ZNF732: variants seen among roughly 807,000 people sequenced by gnomAD.
ZNF732 encodes the protein zinc finger protein 732.
In ZNF732, 12 loss-of-function variants were observed where a neutral mutation model predicts 11.5. The observed-to-expected ratio is 1.05, with a 90% CI of 0.67 to 1.70. ZNF732 has a LOEUF of 1.70. Ranked by LOEUF, ZNF732 falls within the 40% of genes most tolerant of loss-of-function variation. ZNF732 has a pLI of 0.00. For synonymous variants in ZNF732, 231 were observed against 236.5 expected (o/e 0.98, Z 0.21); for missense variants, 702 against 676.9 (o/e 1.04, Z -0.41).
At chr4:280,056 T>C (rs1312381880) in intron 3 of ZNF732, among the ~76,000 whole-genome samples, 1 of 151,288 alleles carries the variant, frequency 6.6e-6, no homozygotes, top group Non-Finnish European at 1.5e-5. Flanking sequence ...GAGTTGAAAA[T>C]TACCATACAA....
Position 271,117 on chromosome 4 carries a change from A to G in ZNF732, c.1740T>C (p.Tyr580=). 6.6e-7 allele frequency: 1 copy of G among 1,515,692 alleles called. No individual in the cohort carries two copies. The highest frequency in any genetic ancestry group is 1.4e-5 in the African/African-American group (1 of 71,034). The allele number at this position is 1,515,692 out of a possible 1,614,324, so 93.9% of individuals were successfully genotyped here. A position where few individuals can be genotyped will look rare whatever the true frequency, so the allele number is the denominator to read the frequency against. Residue 580 remains tyrosine (Y), a synonymous_variant, in exon 4 of 4, where the codon TAT becomes TAC. Coordinates refer to ENST00000419098, the MANE Select transcript of ZNF732 (RefSeq NM_001137608.3). The part of the protein sequence containing the change: ...SSYLNQHNKI[Y]TGEKL ...CATATTTCTAGAGTTTCTCTCCAGTATAAATTTTATTATGTTGATTAAGGT... is the reference window on the plus strand; with the variant it reads ...CATATTTCTAGAGTTTCTCTCCAGTGTAAATTTTATTATGTTGATTAAGGT...
At chr4:287,947 A>AT (rs35663095) in intron 3 of ZNF732, among the ~76,000 whole-genome samples, 25,237 of 149,310 alleles carry the variant, frequency 0.17, 2,465 homozygotes, top group Admixed American at 0.27. Flanking sequence ...TCTTTACAAC[A>AT]TTTTTTTTTT....
intron 1 of ZNF732, among the ~76,000 whole-genome samples, chr4:299,658 TTATA>T (rs199992460): frequency 0.075 from 10,669 of 141,728 alleles, 664 homozygotes; most frequent in African/African-American, 0.16. Context: ...CATATGTAAA[TTATA>T]TATATAATTT....
At chr4:277,677 A>C (rs2108653260) in intron 3 of ZNF732, among the ~76,000 whole-genome samples, 1 of 152,234 alleles carries the variant, frequency 6.6e-6, no homozygotes, top group African/African-American at 2.4e-5. Context: ...CATTATAGAA[A>C]AAAAACAAGT....
chr4:282,405 T>C (rs1021583458), intron 3 of ZNF732, among the ~76,000 whole-genome samples: 1 of 152,090 alleles, frequency 6.6e-6, no homozygotes, highest in South Asian at 2.1e-4. Context: ...ATTCTTTTTT[T>C]AAAAAGAAGC....
chr4:296,201 C>T (rs1553842277), intron 1 of ZNF732, 46 bp from the exon 2 acceptor site: 3 of 1,598,478 alleles, frequency 1.9e-6, no homozygotes, highest in Non-Finnish European at 2.6e-6. Flanking sequence ...AATTTGACTA[C>T]AGGTGAAATG....
At chr4:299,523 G>C (rs1166823440) in intron 1 of ZNF732, among the ~76,000 whole-genome samples, 1 of 120,892 alleles carries the variant, frequency 8.3e-6, no homozygotes, top group Non-Finnish European at 1.7e-5. Flanking sequence ...ACGTATATAT[G>C]TGTATATATA....
chr4:299,611 ATATATAAATAATATATTTG>A lies in ZNF732; in HGVS notation c.4-3475_4-3457del, dbSNP rs1463964204. On this transcript the variant is annotated intron_variant, in intron 1 of 3. Coordinates refer to ENST00000419098, the MANE Select transcript of ZNF732 (RefSeq NM_001137608.3). ...ATAAATATATATTTATAAATTATTT[ATATATAAATAATATATTTG>A]TATATATTTATATATTACATATGTA... Among the ~76,000 whole-genome samples the A allele has an allele frequency of 1.4e-4, 20 of 142,112 alleles. 1 individual carries two copies. Among genetic ancestry groups the A allele is most frequent in the African/African-American group, 5.2e-4 (20 of 38,800 alleles). The allele number at this position is 142,112 out of a possible 152,430, so 93.2% of individuals were successfully genotyped here.
chr4:295,677 T>G, intron 2 of ZNF732, 144 bp from the exon 3 acceptor site: 3 of 765,180 alleles, frequency 3.9e-6, no homozygotes, highest in African/African-American at 3.6e-5. Flanking sequence ...TTTAAAATAT[T>G]TAAGTATTTT....
chr4:295,695 T>C lies in ZNF732; in HGVS notation c.131-162A>G, dbSNP rs1719936909. ...AAAATATTTAAGTATTTTAAATCTG[T>C]GGGTTCTAAGTTCCACTACCAAGTA... On this transcript the variant is annotated intron_variant, in intron 2 of 3. Transcript: ENST00000419098. Among the ~76,000 whole-genome samples, 3 of 152,190 alleles carry C rather than the reference T, an allele frequency of 2.0e-5. No homozygotes were observed. In the South Asian group the frequency reaches 6.2e-4, roughly 32 times the overall value.
intron 3 of ZNF732, among the ~76,000 whole-genome samples, chr4:274,240 A>AT (rs1553838356): frequency 6.6e-6 from 1 of 151,752 alleles, no homozygotes; most frequent in Admixed American, 6.6e-5. Context: ...GATTACTGAC[A>AT]TCAATAATGA....
intron 1 of ZNF732, among the ~76,000 whole-genome samples, chr4:296,490 G>T (rs782208994): frequency 6.6e-6 from 1 of 152,024 alleles, no homozygotes; most frequent in Non-Finnish European, 1.5e-5. Flanking sequence ...GCTGTAATAT[G>T]CGAGGAACTT....
At chr4:304,571 C>T (rs977654522) in intron 1 of ZNF732, among the ~76,000 whole-genome samples, 1 of 152,154 alleles carries the variant, frequency 6.6e-6, no homozygotes, top group Admixed American at 6.5e-5. Context: ...CAGCTGCCCC[C>T]CCCCTGCAGA....
intron 1 of ZNF732, among the ~76,000 whole-genome samples, chr4:301,660 T>G (rs559453949): frequency 1.3e-5 from 2 of 151,722 alleles, no homozygotes; most frequent in Non-Finnish European, 2.9e-5. Context: ...TAGGTGGGAG[T>G]TGAACAATGA....
intron 1 of ZNF732, among the ~76,000 whole-genome samples, chr4:296,922 A>G (rs981689813): frequency 1.6e-4 from 24 of 152,190 alleles, no homozygotes; most frequent in African/African-American, 5.8e-4. Context: ...GAGGCCGTTT[A>G]AAGTTTACAG....
At chr4:304,050 G>A (rs1213206240) in intron 1 of ZNF732, among the ~76,000 whole-genome samples, 2 of 152,184 alleles carry the variant, frequency 1.3e-5, no homozygotes, top group Non-Finnish European at 2.9e-5. Context: ...ACAGGTTCCT[G>A]CTATAGATCC....
intron 3 of ZNF732, among the ~76,000 whole-genome samples, chr4:277,510 A>G (rs1553838898): frequency 6.6e-6 from 1 of 152,100 alleles, no homozygotes; most frequent in East Asian, 1.9e-4. Flanking sequence ...AGTACATGCA[A>G]AGATGCTCAA....
At chr4:304,574 C>CT (rs1285948077) in intron 1 of ZNF732, among the ~76,000 whole-genome samples, 1 of 150,264 alleles carries the variant, frequency 6.7e-6, no homozygotes, top group Non-Finnish European at 1.5e-5. Flanking sequence ...CTGCCCCCCC[C>CT]CTGCAGACGG....
chr4:301,875 A>G (rs993296840), intron 1 of ZNF732, among the ~76,000 whole-genome samples: 12 of 152,242 alleles, frequency 7.9e-5, no homozygotes, highest in African/African-American at 2.9e-4. Context: ...AATAAAAAAT[A>G]TATAGACAGA....
Sources: allele counts gnomAD v4.1 joint callset (sites outside exome capture counted in the v4.1 genomes callset), GRCh38; gene constraint gnomAD v4.1.1; transcripts MANE v1.5; gene names NCBI Gene and HGNC (gene_info 2026-07-23, HGNC 2026-07-21).